The following FOXN3 variants were observed in gnomAD, a reference collection of about 807,000 sequenced individuals.
FOXN3 encodes the protein forkhead box N3.
A neutral mutation model predicts 38.4 loss-of-function variants in FOXN3; 7 were observed. The observed-to-expected ratio is 0.18, with a 90% CI of 0.10 to 0.34. The LOEUF (loss-of-function observed/expected upper bound fraction) is 0.34, where lower values mean the gene tolerates loss of function less well. FOXN3 is among the 10% of genes least tolerant of loss of function. The probability of loss-of-function intolerance (pLI) is 1.00; values close to 1 mark genes in which losing one functional copy is unlikely to be tolerated. For missense variants in FOXN3, 456 were observed against 613.4 expected, an observed-to-expected ratio of 0.74 and a Z score of 2.71; for synonymous variants, 230 against 242.2, an observed-to-expected ratio of 0.95 and a Z score of 0.47.
chr14:89,554,503 AC>A (rs1895073338), intron 1 of FOXN3, among the ~76,000 whole-genome samples: 1 of 152,126 alleles, frequency 6.6e-6, no homozygotes, highest in African/African-American at 2.4e-5. Flanking sequence ...GTTGTTGTTC[AC>A]TTTTGGTTTT....
In FOXN3 at chr14:89,246,542, C is replaced by CTTTTTTTTTTTTT. The variant is rs755916666; in HGVS notation, c.745+34395_745+34407dup. On this transcript the variant is annotated intron_variant, in intron 4 of 5. Coordinates refer to ENST00000557258, the MANE Select transcript of FOXN3 (RefSeq NM_005197.4). ...TTCTCATCTTATTTGCAGGATGCGGCTTTTTTTTTTTTTTTTTTGAGACAG... is the reference window on the plus strand; with the variant it reads ...TTCTCATCTTATTTGCAGGATGCGGCTTTTTTTTTTTTTTTTTTTTTTTTTTTTTTTGAGACAG... 3.0e-4 allele frequency among the ~76,000 whole-genome samples: 25 copies of CTTTTTTTTTTTTT among 84,000 alleles called. 5 individuals carry two copies. Among genetic ancestry groups the CTTTTTTTTTTTTT allele is most frequent in the South Asian group, 4.6e-4 (1 of 2,154 alleles). The allele number at this position is 84,000 out of a possible 152,430, so 55.1% of individuals were successfully genotyped here. A position where few individuals can be genotyped will look rare whatever the true frequency, so the allele number is the denominator to read the frequency against.
rs144905428 is a variant in FOXN3, at chr14:89,394,145, C to T, written c.543+17789G>A. ...CATTTATCGATCCATGAAGGTGGTG[C>T]CCCCATGACCCAAACACCTTCTATT... is the stretch of plus-strand genomic sequence containing the variant. On this transcript the variant is annotated intron_variant, in intron 2 of 5. Coordinates refer to ENST00000557258, the MANE Select transcript of FOXN3 (RefSeq NM_005197.4). 1.1e-3 allele frequency among the ~76,000 whole-genome samples: 166 copies of T among 152,068 alleles called. 3 individuals carry two copies. The East Asian group carries it at 0.021, about 20-fold the overall frequency.
intron 1 of FOXN3, among the ~76,000 whole-genome samples, chr14:89,557,720 C>T (rs745715747): frequency 1.1e-4 from 16 of 152,018 alleles, no homozygotes; most frequent in Non-Finnish European, 5.9e-5. Context: ...GAATGAGGTA[C>T]CAAAGGGGGG....
rs574199977 is a variant in FOXN3, at chr14:89,225,603, C to CA, written c.746-44798dup. Reference sequence around the variant, plus strand: ...TGGGCGACAGAGCAAGACTCCGTCTCAAAAAAAATAAAAATAAAAATAAAA... The same window carrying CA: ...TGGGCGACAGAGCAAGACTCCGTCTCAAAAAAAAATAAAAATAAAAATAAAA... On this transcript the variant is annotated intron_variant, in intron 4 of 5. Transcript: ENST00000557258. Among the ~76,000 whole-genome samples, 116 of 151,164 alleles carry CA rather than the reference C, an allele frequency of 7.7e-4. No individual in the cohort carries two copies. In the South Asian group the frequency reaches 0.023, roughly 30 times the overall value.
intron 1 of FOXN3, among the ~76,000 whole-genome samples, chr14:89,522,530 A>G (rs894861409): frequency 2.0e-5 from 3 of 152,204 alleles, no homozygotes; most frequent in African/African-American, 7.2e-5. Context: ...AGCAAAAACA[A>G]TAACATGAAT....
At chr14:89,425,314 C>G (rs929590374) in intron 1 of FOXN3, among the ~76,000 whole-genome samples, 2 of 151,746 alleles carry the variant, frequency 1.3e-5, no homozygotes, top group Non-Finnish European at 2.9e-5. Context: ...CGTGATCCAC[C>G]CACCTTGGCC....
rs1348642921 is a variant in FOXN3, at chr14:89,156,285, G to T, written c.*6129C>A. 1 of 152,604 alleles carries T rather than the reference G, an allele frequency of 6.6e-6. No individual in the cohort carries two copies. Among genetic ancestry groups the T allele is most frequent in the African/African-American group, 2.4e-5 (1 of 41,432 alleles). The allele number at this position is 152,604 out of a possible 1,614,324, so 9.5% of individuals were successfully genotyped here. On this transcript the variant is annotated 3_prime_UTR_variant, in exon 6 of 6. Transcript: ENST00000557258. ...AAAAGTGTTATTTACAATAAATGAT[G>T]AAATAGTTTGTCTTTGGCAATATGA...
At position 89,508,678 on chromosome 14, in the gene FOXN3, T is replaced by G. The variant is rs191286768; in HGVS notation, c.-14-96188A>C. ...GGCTTCTGATGCCCAAAGTCACAGA[T>G]GACTCCAGACCATTGCTTCTCCAAT... On this transcript the variant is annotated intron_variant, in intron 1 of 6. Transcript: ENST00000345097. 3.4e-3 allele frequency among the ~76,000 whole-genome samples: 513 copies of G among 152,336 alleles called. 1 individual carries two copies. The highest frequency in any genetic ancestry group is 0.011 in the African/African-American group (472 of 41,578).
intron 3 of FOXN3, among the ~76,000 whole-genome samples, chr14:89,322,895 A>G (rs1887935277): frequency 6.6e-6 from 1 of 152,190 alleles, no homozygotes; most frequent in South Asian, 2.1e-4. Context: ...CAGAGAGCAA[A>G]AGAAAGTCCC....
chr14:89,374,097 C>T (rs1046922805), intron 2 of FOXN3, among the ~76,000 whole-genome samples: 1 of 151,148 alleles, frequency 6.6e-6, no homozygotes, highest in African/African-American at 2.4e-5. Context: ...GAAACCTCAT[C>T]TCTAGAAAAA....
At chr14:89,558,892 C>T (rs1289601330) in intron 1 of FOXN3, among the ~76,000 whole-genome samples, 1 of 152,170 alleles carries the variant, frequency 6.6e-6, no homozygotes. Context: ...TAGTGCATCT[C>T]GTGTGACCCA....
intron 3 of FOXN3, among the ~76,000 whole-genome samples, chr14:89,329,586 G>A (rs906306130): frequency 3.2e-4 from 48 of 152,122 alleles, no homozygotes; most frequent in African/African-American, 1.1e-3. Context: ...TGCCGGACGC[G>A]GTGGCTCAAG....
chr14:89,357,861 C>T (rs566036378), intron 2 of FOXN3, among the ~76,000 whole-genome samples: 82 of 152,250 alleles, frequency 5.4e-4, no homozygotes, highest in African/African-American at 1.9e-3. Context: ...ATGCAACGCG[C>T]GACTGTATCT....
intron 5 of FOXN3, among the ~76,000 whole-genome samples, chr14:89,179,706 A>G (rs1887613789): frequency 6.6e-6 from 1 of 152,206 alleles, no homozygotes; most frequent in African/African-American, 2.4e-5. Context: ...GCATGGGGCT[A>G]ATCGGTTCAC....
chr14:89,378,794 C>T (rs1890558805), intron 2 of FOXN3, among the ~76,000 whole-genome samples: 1 of 150,876 alleles, frequency 6.6e-6, no homozygotes, highest in Non-Finnish European at 1.5e-5. Flanking sequence ...GCAACCTCTG[C>T]CTCCCAGGTT....
chr14:89,603,255 GAC>G (rs1251150693), intron 1 of FOXN3, among the ~76,000 whole-genome samples: 1 of 152,214 alleles, frequency 6.6e-6, no homozygotes, highest in Non-Finnish European at 1.5e-5. Context: ...GGTTGAAAAT[GAC>G]AGAGTCCTAA....
chr14:89,162,422 T>C lies in FOXN3; in HGVS notation c.1399A>G (p.Lys467Glu). Residue 467 changes from lysine (K) to glutamate (E), a missense_variant, in exon 6 of 6, where the codon AAA becomes GAA. Physicochemically the swap from Lys to Glu is moderately conservative, Grantham distance 56 (BLOSUM62 1). Coordinates refer to ENST00000557258, the MANE Select transcript of FOXN3 (RefSeq NM_005197.4). This position sits in a 1 kb window ranked among gnomAD's most constrained non-coding sequence, Gnocchi z 7.2. ...KGQKEQKETTKN is the reference protein window; with the variant it reads ...KGQKEQKETTEN The stretch of plus-strand genomic sequence containing the variant: ...AAATCAGTGACTTGTTTTTAATTTT[T>C]TGTGGTTTCCTTTTGCTCTTTCTGC... The C allele has an allele frequency of 6.4e-7, 1 of 1,550,406 alleles. No individual in the cohort carries two copies. The highest frequency in any genetic ancestry group is 1.4e-5 in the African/African-American group (1 of 72,192).
At chr14:89,224,531 G>T (rs1884569921) in intron 4 of FOXN3, among the ~76,000 whole-genome samples, 1 of 152,178 alleles carries the variant, frequency 6.6e-6, no homozygotes, top group African/African-American at 2.4e-5. Context: ...ATATGTTTTA[G>T]TTTTCCATCT....
At chr14:89,417,538 G>T (rs1294322156), upstream of FOXN3, 1 of 198,040 alleles carries the variant, frequency 5.0e-6, no homozygotes, top group Non-Finnish European at 1.1e-5. Flanking sequence ...GGTGGGTCAG[G>T]CGGCGCGTGC....
Sources: allele counts gnomAD v4.1 joint callset (sites outside exome capture counted in the v4.1 genomes callset), GRCh38; gene constraint gnomAD v4.1.1; non-coding constraint Gnocchi (gnomAD v3.1); transcripts MANE v1.5; gene names NCBI Gene and HGNC (gene_info 2026-07-23, HGNC 2026-07-21).